The following PRSS55 variants were observed in gnomAD, a reference collection of about 807,000 sequenced individuals.
PRSS55 encodes probable serine protease UNQ9391/PRO34284.
In PRSS55, 41 loss-of-function variants were observed where a neutral mutation model predicts 23.6. That is an observed-to-expected ratio of 1.74 (90% CI 1.35 to 2.26). PRSS55 has a LOEUF of 2.26. PRSS55 is among the 30% of genes most tolerant of loss of function. The pLI is 0.00. For missense variants in PRSS55, 669 were observed against 439.1 expected (o/e 1.52, Z -4.68); for synonymous variants, 262 against 175.5 (o/e 1.49, Z -3.90).
intron 4 of PRSS55, among the ~76,000 whole-genome samples, chr8:10,552,590 T>C (rs578177656): frequency 2.6e-5 from 4 of 152,186 alleles, no homozygotes; most frequent in Non-Finnish European, 4.4e-5. Flanking sequence ...AGAAAACAAA[T>C]AACCCAATTT....
chr8:10,535,293 C>T (rs1812416314), intron 4 of PRSS55, among the ~76,000 whole-genome samples: 1 of 152,188 alleles, frequency 6.6e-6, no homozygotes, highest in South Asian at 2.1e-4. Context: ...AAGCTGGAGG[C>T]ATCATGCTAT....
At chr8:10,549,519 A>C (rs561327164) in intron 4 of PRSS55, among the ~76,000 whole-genome samples, 1 of 152,326 alleles carries the variant, frequency 6.6e-6, no homozygotes. Context: ...TGGGGGTCAC[A>C]CAGGGGCTCA....
Position 10,529,519 on chromosome 8 carries a change from G to T in PRSS55, c.167G>T (p.Arg56Ile). ...TTCTTTCCACCAGAATGTGGTGACA[G>T]ATCTATTTTCGAGGGAAGAACTCGG... ...PPSPVSECGDRSIFEGRTRYS... is the reference protein window; with the variant it reads ...PPSPVSECGDISIFEGRTRYS... The change falls in exon 2 of 5, where the codon AGA becomes ATA. Residue 56 changes from arginine (R) to isoleucine (I), a missense_variant. By Grantham distance (97) the Arg-to-Ile change is moderately conservative (BLOSUM62 -3). Transcript: ENST00000328655. The T allele has an allele frequency of 3.1e-6, 5 of 1,614,182 alleles. No homozygotes were observed. Among genetic ancestry groups the T allele is most frequent in the Non-Finnish European group, 4.2e-6 (5 of 1,180,000 alleles).
At chr8:10,551,010 T>C (rs527705344) in intron 4 of PRSS55, among the ~76,000 whole-genome samples, 1 of 152,368 alleles carries the variant, frequency 6.6e-6, no homozygotes, top group South Asian at 2.1e-4. Flanking sequence ...CAGTACATTT[T>C]GAAATCCCCT....
downstream of PRSS55, among the ~76,000 whole-genome samples, chr8:10,543,809 T>G (rs975105446): frequency 6.6e-6 from 1 of 152,146 alleles, no homozygotes; most frequent in Non-Finnish European, 1.5e-5. Context: ...TTTAAGAGTG[T>G]GCTGTTTAAT....
At chr8:10,544,204 G>C (rs1347221211) in intron 4 of PRSS55, among the ~76,000 whole-genome samples, 1 of 151,902 alleles carries the variant, frequency 6.6e-6, no homozygotes, top group Non-Finnish European at 1.5e-5. Flanking sequence ...ATGTTCTATT[G>C]TTAGATGCAC....
intron 1 of PRSS55, among the ~76,000 whole-genome samples, chr8:10,526,026 C>T (rs1485596747): frequency 2.0e-5 from 3 of 152,178 alleles, no homozygotes; most frequent in Non-Finnish European, 4.4e-5. Context: ...TGGAGGGGGA[C>T]CACTACCCTG....
chr8:10,553,868 A>G (rs1014024488), intron 4 of PRSS55: 2 of 998,562 alleles, frequency 2.0e-6, no homozygotes, highest in South Asian at 3.2e-5. Context: ...CAATGTATAC[A>G]TAAATCAAAG....
chr8:10,529,555 TCA>T lies in PRSS55; in HGVS notation c.206_207del (p.Thr69ArgfsTer9), dbSNP rs749186113. On this transcript the variant is annotated frameshift_variant, in exon 2 of 5. Transcript: ENST00000328655. LOFTEE classifies it high-confidence loss of function. ...GAGGGAAGAACTCGGTATTCCAGAATCACAGGGGGGATGGAGGCGGAGGTGGG... is the reference window on the plus strand; with the variant it reads ...GAGGGAAGAACTCGGTATTCCAGAATCAGGGGGGATGGAGGCGGAGGTGGG... 1.8e-5 allele frequency: 29 copies of T among 1,614,200 alleles called. No homozygotes were observed. The highest frequency in any genetic ancestry group is 2.5e-5 in the Non-Finnish European group (29 of 1,180,032).
chr8:10,538,432 G>A, intron 4 of PRSS55, 44 bp from the exon 5 acceptor site: 11 of 1,482,052 alleles, frequency 7.4e-6, no homozygotes, highest in Non-Finnish European at 1.0e-5. Flanking sequence ...CAGATGGGCA[G>A]CTTAGAACCG....
At chr8:10,538,420 C>A in intron 4 of PRSS55, 56 bp from the exon 5 acceptor site, 2 of 1,362,474 alleles carry the variant, frequency 1.5e-6, no homozygotes, top group Non-Finnish European at 2.0e-6. Flanking sequence ...TGTGCCCAGC[C>A]TCAGATGGGC....
intron 4 of PRSS55, among the ~76,000 whole-genome samples, chr8:10,549,719 C>A (rs1812910280): frequency 6.6e-6 from 1 of 152,158 alleles, no homozygotes; most frequent in Non-Finnish European, 1.5e-5. Flanking sequence ...GTGTCTCTCC[C>A]CCTGACTTTG....
chr8:10,538,941 G>C (rs1812556561), downstream of PRSS55: 2 of 714,572 alleles, frequency 2.8e-6, no homozygotes, highest in Non-Finnish European at 4.4e-6. Context: ...CCCTGGTTTG[G>C]GGACTGCACT....
At chr8:10,552,443 A>C (rs950756398) in intron 4 of PRSS55, among the ~76,000 whole-genome samples, 6 of 152,230 alleles carry the variant, frequency 3.9e-5, no homozygotes, top group Admixed American at 1.3e-4. Context: ...CTAAACTAAG[A>C]AGCTTCTACA....
At chr8:10,540,264 C>G (rs946558529), downstream of PRSS55, 2 of 152,302 alleles carry the variant, frequency 1.3e-5, no homozygotes, top group African/African-American at 4.8e-5. Flanking sequence ...GTAGACCCAG[C>G]GCTGCCGCGT....
At chr8:10,531,664 G>C in intron 3 of PRSS55, 119 bp downstream of exon 3, 2 of 1,405,588 alleles carry the variant, frequency 1.4e-6, no homozygotes, top group Non-Finnish European at 1.9e-6. Context: ...GCTCAGTGGA[G>C]TCTCACAGTG....
At chr8:10,543,437 T>TTCCTTCCTTCCTTCCTTCCA (rs1554584944), downstream of PRSS55, among the ~76,000 whole-genome samples, 2 of 22,500 alleles carry the variant, frequency 8.9e-5, no homozygotes, top group Admixed American at 8.1e-4. Context: ...CCTTCCTTCC[T>TTCCTTCCTTCCTTCCTTCCA]TCCTTCCATC....
At chr8:10,530,793 A>C (rs576239759) in intron 2 of PRSS55, among the ~76,000 whole-genome samples, 1 of 152,198 alleles carries the variant, frequency 6.6e-6, no homozygotes, top group African/African-American at 2.4e-5. Context: ...TGGGATATCA[A>C]ATATCCTCTG....
chr8:10,534,942 A>C (rs1388498379), intron 4 of PRSS55, among the ~76,000 whole-genome samples: 1 of 152,338 alleles, frequency 6.6e-6, no homozygotes, highest in South Asian at 2.1e-4. Context: ...CTGAGAGCCA[A>C]ATCAAAAATG....
Sources: gnomAD v4.1 joint callset for allele counts (sites outside exome capture counted in the v4.1 genomes callset) on GRCh38, gnomAD v4.1.1 for gene constraint, MANE v1.5 for transcripts, NCBI Gene and HGNC (gene_info 2026-07-23, HGNC 2026-07-21) for gene names.